Variants in NAT1 observed in about 807,000 individuals in gnomAD.
NAT1 encodes arylamine N-acetyltransferase 1.
For synonymous variants in NAT1, 144 were observed against 122.6 expected, an observed-to-expected ratio of 1.17 and a Z score of -1.16; for missense variants, 400 against 339.2, an observed-to-expected ratio of 1.18 and a Z score of -1.41.
intron 2 of NAT1, among the ~76,000 whole-genome samples, chr8:18,171,646 GAAAAC>G (rs1301232926): frequency 1.3e-5 from 2 of 151,658 alleles, no homozygotes; most frequent in Non-Finnish European, 2.9e-5. Flanking sequence ...ACCTCCAAAA[GAAAAC>G]AAAACAAAAC....
chr8:18,204,163 T>TTCTCTCTC (rs111268683), intron 2 of NAT1, among the ~76,000 whole-genome samples: 4 of 148,622 alleles, frequency 2.7e-5, no homozygotes, highest in African/African-American at 9.8e-5. Context: ...TTGGATGTCT[T>TTCTCTCTC]TCTCTCTCTC....
At chr8:18,187,431 A>T (rs1037377803) in intron 2 of NAT1, among the ~76,000 whole-genome samples, 2 of 152,240 alleles carry the variant, frequency 1.3e-5, no homozygotes, top group African/African-American at 4.8e-5. Flanking sequence ...ACAATAGCAA[A>T]GACATGGAAT....
In NAT1 at chr8:18,222,413, T is replaced by G; in HGVS notation, c.366T>G (p.Asp122Glu). The G allele has an allele frequency of 6.2e-7, 1 of 1,614,118 alleles. No individual in the cohort carries two copies. Among genetic ancestry groups the G allele is most frequent in the South Asian group, 1.1e-5 (1 of 91,080 alleles). ...VTIDGRNYIV[D>E]AGFGRSYQMW... is the part of the protein sequence containing the mutation. ...TTGATGGCAGGAACTACATTGTCGA[T>G]GCTGGGTTTGGACGCTCATACCAGA... Residue 122 changes from aspartate to glutamate, a missense_variant, in exon 3 of 3, where the codon GAT (aspartate) becomes GAG (glutamate). Asp to Glu is a conservative substitution (Grantham distance 45, BLOSUM62 2). Coordinates refer to ENST00000307719, the MANE Select transcript of NAT1 (RefSeq NM_000662.8).
intron 1 of NAT1, among the ~76,000 whole-genome samples, chr8:18,219,127 G>A (rs1805006772): frequency 6.6e-6 from 1 of 152,132 alleles, no homozygotes; most frequent in South Asian, 2.1e-4. Context: ...CAGTTCATCA[G>A]CTGGTGGGTT....
chr8:18,214,728 G>T (rs980040207), intron 1 of NAT1, among the ~76,000 whole-genome samples: 5 of 152,118 alleles, frequency 3.3e-5, no homozygotes, highest in South Asian at 2.1e-4. Flanking sequence ...ACATGTACAG[G>T]TTCGTTATAT....
At chr8:18,174,032 G>A (rs923603302) in intron 2 of NAT1, among the ~76,000 whole-genome samples, 2 of 152,142 alleles carry the variant, frequency 1.3e-5, no homozygotes, top group Middle Eastern at 3.2e-3. Context: ...TGATGTGTGT[G>A]TGAGTCATCC....
chr8:18,198,394 C>T (rs1803322350), intron 2 of NAT1, among the ~76,000 whole-genome samples: 1 of 152,186 alleles, frequency 6.6e-6, no homozygotes, highest in South Asian at 2.1e-4. Context: ...ATAGTCCTTC[C>T]TAACCACATA....
chr8:18,191,335 T>A (rs1470414662), intron 2 of NAT1, among the ~76,000 whole-genome samples: 2 of 152,196 alleles, frequency 1.3e-5, no homozygotes, highest in Non-Finnish European at 2.9e-5. Context: ...TTTAGTTTAA[T>A]AAAACCTCTG....
At chr8:18,198,607 G>C (rs1211837312) in intron 2 of NAT1, among the ~76,000 whole-genome samples, 2 of 152,176 alleles carry the variant, frequency 1.3e-5, no homozygotes, top group Non-Finnish European at 2.9e-5. Flanking sequence ...GTGTATAAAG[G>C]TTTTATTTTT....
chr8:18,194,345 C>T (rs1479621459), intron 2 of NAT1, among the ~76,000 whole-genome samples: 5 of 152,100 alleles, frequency 3.3e-5, no homozygotes, highest in African/African-American at 4.8e-5. Context: ...TTTTTAGTCA[C>T]GTATATGATC....
At chr8:18,202,607 G>A (rs1803512132) in intron 2 of NAT1, among the ~76,000 whole-genome samples, 1 of 152,188 alleles carries the variant, frequency 6.6e-6, no homozygotes, top group Non-Finnish European at 1.5e-5. Context: ...CTTCAGGAGT[G>A]AAGCTGTAGA....
At chr8:18,202,797 A>C (rs1228083028) in intron 2 of NAT1, among the ~76,000 whole-genome samples, 1 of 152,076 alleles carries the variant, frequency 6.6e-6, no homozygotes, top group Admixed American at 6.5e-5. Flanking sequence ...TATTGTGAAG[A>C]GTGAAAGAAC....
chr8:18,196,386 T>C (rs139630399), intron 2 of NAT1, among the ~76,000 whole-genome samples: 160 of 151,732 alleles, frequency 1.1e-3, no homozygotes, highest in Middle Eastern at 6.8e-3. Flanking sequence ...AAAGTAGGGA[T>C]GAACATATGA....
intron 2 of NAT1, among the ~76,000 whole-genome samples, chr8:18,175,840 G>C (rs1469519165): frequency 6.6e-6 from 1 of 151,988 alleles, no homozygotes; most frequent in Non-Finnish European, 1.5e-5. Context: ...AGCATACAAG[G>C]GTTTCCTATT....
chr8:18,171,761 C>A (rs776475997), intron 2 of NAT1, among the ~76,000 whole-genome samples: 28 of 152,158 alleles, frequency 1.8e-4, no homozygotes, highest in Non-Finnish European at 3.8e-4. Context: ...ACATTCTGAG[C>A]TAGAAACGCA....
intron 2 of NAT1, among the ~76,000 whole-genome samples, chr8:18,187,836 A>G (rs1802805342): frequency 6.6e-6 from 1 of 152,034 alleles, no homozygotes; most frequent in Non-Finnish European, 1.5e-5. Context: ...AAACCTGCGC[A>G]TATGCCCCGG....
chr8:18,208,963 G>A (rs2117319830), upstream of NAT1, among the ~76,000 whole-genome samples: 1 of 152,240 alleles, frequency 6.6e-6, no homozygotes, highest in African/African-American at 2.4e-5. Context: ...ACGTACCAGT[G>A]CAGGAGTTGT....
chr8:18,191,862 A>T (rs1045028173), intron 2 of NAT1, among the ~76,000 whole-genome samples: 10 of 152,084 alleles, frequency 6.6e-5, no homozygotes, highest in Non-Finnish European at 1.2e-4. Context: ...AGACTTAAAC[A>T]TTAGACCTAA....
chr8:18,183,913 A>T (rs1589059286), intron 2 of NAT1, among the ~76,000 whole-genome samples: 1 of 151,948 alleles, frequency 6.6e-6, no homozygotes, highest in Non-Finnish European at 1.5e-5. Flanking sequence ...GCCTCAGACA[A>T]CCCTGCCCCT....
Sources: allele counts gnomAD v4.1 joint callset (sites outside exome capture counted in the v4.1 genomes callset), GRCh38; gene constraint gnomAD v4.1.1; transcripts MANE v1.5; gene names NCBI Gene and HGNC (gene_info 2026-07-23, HGNC 2026-07-21).